Variants in CTIF observed in about 807,000 individuals in gnomAD.
The protein encoded by CTIF is cap binding complex dependent translation initiation factor.
Under a neutral mutation model 66.0 loss-of-function variants are expected in CTIF, and 21 were observed. That is an observed-to-expected ratio of 0.32 (90% confidence interval 0.23 to 0.46). The LOEUF is 0.46. Ranked by LOEUF, CTIF falls within the 20% of genes least tolerant of loss-of-function variation. The pLI, the probability that CTIF is intolerant of heterozygous loss-of-function variation, is 1.00. For missense variants in CTIF, 739 were observed against 812.7 expected (o/e 0.91, Z 1.10); for synonymous variants, 345 against 326.4 (o/e 1.06, Z -0.62).
At chr18:48,841,971 G>A (rs181871501) in intron 10 of CTIF, among the ~76,000 whole-genome samples, 1 of 152,314 alleles carries the variant, frequency 6.6e-6, no homozygotes, top group Non-Finnish European at 1.5e-5. Flanking sequence ...CTACCTACTG[G>A]AAGGTGGAGG....
intron 6 of CTIF, among the ~76,000 whole-genome samples, chr18:48,692,300 A>AAAAAAC (rs762624350): frequency 7.8e-6 from 1 of 127,454 alleles, no homozygotes; most frequent in African/African-American, 4.8e-5. Context: ...ATGGGCCACA[A>AAAAAAC]AAAAACAAAA....
intron 6 of CTIF, among the ~76,000 whole-genome samples, chr18:48,675,792 C>T (rs899785128): frequency 6.6e-6 from 1 of 152,164 alleles, no homozygotes; most frequent in Non-Finnish European, 1.5e-5. Flanking sequence ...TGGGGTGGGG[C>T]TGGGGGAGTT....
chr18:48,693,299 C>G (rs773643538), intron 6 of CTIF, among the ~76,000 whole-genome samples: 3 of 152,176 alleles, frequency 2.0e-5, no homozygotes, highest in Admixed American at 1.3e-4. Flanking sequence ...ACCTCTCTGG[C>G]CTGCTTGTTC....
intron 2 of CTIF, among the ~76,000 whole-genome samples, chr18:48,631,302 A>G (rs1365892175): frequency 6.6e-6 from 1 of 152,070 alleles, no homozygotes; most frequent in African/African-American, 2.4e-5. Context: ...TGTCTCTACT[A>G]AAAATACAAA....
chr18:48,709,894 G>A (rs1452027484), intron 6 of CTIF, among the ~76,000 whole-genome samples: 3 of 152,224 alleles, frequency 2.0e-5, no homozygotes, highest in Non-Finnish European at 4.4e-5. Context: ...CAAGAGAGAC[G>A]GGGGTGAGAG....
At chr18:48,569,121 G>A (rs536628056) in intron 1 of CTIF, among the ~76,000 whole-genome samples, 1 of 152,262 alleles carries the variant, frequency 6.6e-6, no homozygotes, top group South Asian at 2.1e-4. Flanking sequence ...CCACTGACAT[G>A]ACCTCATTTT....
At chr18:48,791,167 G>C (rs1014803473) in intron 9 of CTIF, among the ~76,000 whole-genome samples, 1 of 152,224 alleles carries the variant, frequency 6.6e-6, no homozygotes, top group African/African-American at 2.4e-5. Context: ...TCCACAGATA[G>C]CTCCCAGGCC....
rs913891007 is a variant in CTIF, at chr18:48,663,620, G to T, written c.253-132G>T. The T allele has an allele frequency of 6.4e-6, 5 of 781,940 alleles. No homozygotes were observed. In the African/African-American group the frequency reaches 8.5e-5, roughly 13 times the overall value. 48.4% of individuals were successfully genotyped at this position (781,940 alleles called of 1,614,324 possible). On this transcript the variant is annotated intron_variant, in intron 3 of 11. Transcript: ENST00000256413. ...GACCCCCAGGCAGTCCCCTGACTCT[G>T]ACTGGGTGCACCAGCCACCATACTC...
At chr18:48,619,506 C>T in intron 1 of CTIF, 32 bp from the exon 2 acceptor site, 1 of 1,351,414 alleles carries the variant, frequency 7.4e-7, no homozygotes, top group African/African-American at 1.5e-5. Flanking sequence ...CCAGCAGCGT[C>T]TCACGGAGTT....
chr18:48,799,054 G>T (rs1346468959), intron 9 of CTIF, among the ~76,000 whole-genome samples: 7 of 152,214 alleles, frequency 4.6e-5, no homozygotes, highest in Non-Finnish European at 4.4e-5. Context: ...GCAGGGCTAT[G>T]AGTGGAGAAG....
At chr18:48,608,683 T>G (rs568294322) in intron 1 of CTIF, among the ~76,000 whole-genome samples, 2 of 152,316 alleles carry the variant, frequency 1.3e-5, no homozygotes, top group East Asian at 1.9e-4. Context: ...CAAGACCACC[T>G]GGACAGGCCT....
At chr18:48,645,870 C>T (rs2091021856) in intron 3 of CTIF, among the ~76,000 whole-genome samples, 1 of 152,222 alleles carries the variant, frequency 6.6e-6, no homozygotes, top group Admixed American at 6.5e-5. Context: ...CTTCCACTTC[C>T]ACCTGGCAAT....
intron 3 of CTIF, among the ~76,000 whole-genome samples, chr18:48,646,367 C>G (rs531222308): frequency 3.9e-5 from 6 of 151,940 alleles, no homozygotes; most frequent in Non-Finnish European, 8.8e-5. Context: ...AAAACCCCAA[C>G]AAGACATCAC....
At chr18:48,825,062 C>T (rs1302282148) in intron 10 of CTIF, among the ~76,000 whole-genome samples, 1 of 152,182 alleles carries the variant, frequency 6.6e-6, no homozygotes, top group East Asian at 1.9e-4. Flanking sequence ...CTCATCCCTA[C>T]CCATAATTCC....
In CTIF at chr18:48,761,480, G is replaced by A. The variant is rs757973945; in HGVS notation, c.1162G>A (p.Asp388Asn). 3.9e-5 allele frequency: 63 copies of A among 1,614,048 alleles called. No individual in the cohort carries two copies. Among genetic ancestry groups the A allele is most frequent in the Middle Eastern group, 3.3e-4 (2 of 6,084 alleles). ...ILNSMRNNSS[D>N]VDTKLTTFME... ...GAACAGCATGCGGAACAACAGCAGC[G>A]ACGTGGACACCAAGCTCACCACCTT... The change falls in exon 9 of 12, where the codon GAC becomes AAC. Residue 388 changes from aspartate to asparagine, a missense_variant. Physicochemically the swap from Asp to Asn is conservative, Grantham distance 23. Transcript: ENST00000256413. The surrounding 1 kb of genome is among the most constrained non-coding windows in gnomAD (Gnocchi z 4.2).
chr18:48,836,511 C>T (rs1361617013), intron 10 of CTIF, among the ~76,000 whole-genome samples: 2 of 152,140 alleles, frequency 1.3e-5, no homozygotes, highest in African/African-American at 2.4e-5. Context: ...AAGGCCTGGG[C>T]GATTATGAGG....
chr18:48,726,246 A>G lies in CTIF; in HGVS notation c.584+14551A>G, dbSNP rs966266438. 4.6e-5 allele frequency among the ~76,000 whole-genome samples: 7 copies of G among 152,162 alleles called. No homozygotes were observed. The East Asian group carries it at 1.3e-3, about 29-fold the overall frequency. On this transcript the variant is annotated intron_variant, in intron 7 of 11. Transcript: ENST00000256413. The stretch of plus-strand genomic sequence containing the variant: ...TTGCTTTAGGACTCTGCTAATCATC[A>G]TTTCCAATGATAATTTGCTGGAAAT...
At chr18:48,576,431 C>G (rs577945409) in intron 1 of CTIF, among the ~76,000 whole-genome samples, 1 of 152,316 alleles carries the variant, frequency 6.6e-6, no homozygotes, top group Admixed American at 6.5e-5. Flanking sequence ...GGTTCATCTG[C>G]GGACCTTGCT....
At chr18:48,589,034 C>T (rs2143937137) in intron 1 of CTIF, among the ~76,000 whole-genome samples, 1 of 152,306 alleles carries the variant, frequency 6.6e-6, no homozygotes, top group Middle Eastern at 3.4e-3. Context: ...CGGAGCAAAT[C>T]CAGCCCAACT....
Sources: gnomAD v4.1 joint callset for allele counts (sites outside exome capture counted in the v4.1 genomes callset) on GRCh38, gnomAD v4.1.1 for gene constraint, Gnocchi (gnomAD v3.1) non-coding constraint, MANE v1.5 for transcripts, NCBI Gene and HGNC (gene_info 2026-07-23, HGNC 2026-07-21) for gene names.